Variants in SMOC2 observed in about 807,000 individuals in gnomAD.
SMOC2 encodes SPARC-related modular calcium-binding protein 2.
A neutral mutation model predicts 61.4 loss-of-function variants in SMOC2; 39 were observed. The observed-to-expected ratio is 0.64, with a 90% CI of 0.49 to 0.83. The LOEUF (loss-of-function observed/expected upper bound fraction) is 0.83, where lower values mean the gene tolerates loss of function less well. Ranked by LOEUF, SMOC2 falls within the 40% of genes least tolerant of loss-of-function variation. SMOC2 has a pLI of 0.00. For synonymous variants in SMOC2, 247 were observed against 239.9 expected (o/e 1.03, Z -0.27); for missense variants, 556 against 592.9 (o/e 0.94, Z 0.65).
chr6:168,616,695 G>A (rs1786103162), intron 9 of SMOC2, among the ~76,000 whole-genome samples: 1 of 152,210 alleles, frequency 6.6e-6, no homozygotes, highest in South Asian at 2.1e-4. Context: ...ACAGTGAAAT[G>A]GACCATTAAA....
intron 2 of SMOC2, among the ~76,000 whole-genome samples, chr6:168,515,758 AAC>A (rs3065281): frequency 0.9 from 136,320 of 152,228 alleles, 61,962 homozygotes; most frequent in East Asian, 1. Flanking sequence ...GCAGGAGCAA[AAC>A]ACACTGAGCC....
At position 168,641,876 on chromosome 6, in the gene SMOC2, T is replaced by G. The variant is rs1361382956; in HGVS notation, c.908-8805T>G. On this transcript the variant is annotated intron_variant, in intron 9 of 12. Transcript: ENST00000356284. ...ATTCATCAAAGCACTATCTAAAGCC[T>G]ATGGACCTCTTTGTCTAGAATAATG... 2.0e-5 allele frequency among the ~76,000 whole-genome samples: 3 copies of G among 152,208 alleles called. No homozygotes were observed. In the East Asian group the frequency reaches 5.8e-4, roughly 29 times the overall value.
chr6:168,613,671 C>T (rs368750780), intron 9 of SMOC2, among the ~76,000 whole-genome samples: 2,648 of 142,176 alleles, frequency 0.019, 28 homozygotes, highest in Middle Eastern at 0.084. Flanking sequence ...CTCTTCACAC[C>T]TACAGCCAGC....
At chr6:168,591,107 G>T (rs2115172894) in intron 7 of SMOC2, among the ~76,000 whole-genome samples, 1 of 152,336 alleles carries the variant, frequency 6.6e-6, no homozygotes, top group South Asian at 2.1e-4. Context: ...TTGAAATCAT[G>T]TTTCTATAAA....
intron 9 of SMOC2, among the ~76,000 whole-genome samples, chr6:168,623,642 T>A (rs1786306498): frequency 6.8e-6 from 1 of 146,134 alleles, no homozygotes; most frequent in African/African-American, 2.4e-5. Flanking sequence ...GGCCAATAAT[T>A]ATTTTTTTTA....
chr6:168,485,331 A>AT (rs1256141307), intron 1 of SMOC2, among the ~76,000 whole-genome samples: 3 of 152,214 alleles, frequency 2.0e-5, no homozygotes, highest in Admixed American at 6.5e-5. Flanking sequence ...GGTGTATACC[A>AT]AAAGAATTGA....
chr6:168,605,931 C>A (rs186563489), intron 8 of SMOC2, among the ~76,000 whole-genome samples: 1 of 152,188 alleles, frequency 6.6e-6, no homozygotes, highest in Non-Finnish European at 1.5e-5. Flanking sequence ...CTGGGACATT[C>A]GCCTGGCTTT....
intron 2 of SMOC2, 94 bp from the exon 3 acceptor site, chr6:168,526,252 C>A: frequency 2.6e-6 from 3 of 1,157,774 alleles, no homozygotes; most frequent in Non-Finnish European, 2.6e-6. Flanking sequence ...AGCACTCCTG[C>A]CTAACTCATG....
intron 2 of SMOC2, among the ~76,000 whole-genome samples, chr6:168,523,363 C>T (rs1783377577): frequency 6.6e-6 from 1 of 150,386 alleles, no homozygotes; most frequent in African/African-American, 2.4e-5. Context: ...GCTGGGATTA[C>T]AGGCGTGAGC....
chr6:168,562,747 C>T (rs111931191), intron 7 of SMOC2, among the ~76,000 whole-genome samples: 2 of 152,088 alleles, frequency 1.3e-5, no homozygotes, highest in African/African-American at 4.8e-5. Flanking sequence ...CTCAGCAGGT[C>T]GGAAGCGCAG....
chr6:168,547,152 C>A lies in SMOC2; in HGVS notation c.545C>A (p.Pro182His), dbSNP rs1252275030. 6.2e-7 allele frequency: 1 copy of A among 1,613,908 alleles called. No homozygotes were observed. Among genetic ancestry groups the A allele is most frequent in the Non-Finnish European group, 8.5e-7 (1 of 1,180,028 alleles). ...DAAAPALETQPQGDEEDIASR... is the reference protein window; with the variant it reads ...DAAAPALETQHQGDEEDIASR... Reference sequence around the variant, plus strand: ...GCAGCTCCAGCGTTGGAGACTCAGCCTCAAGGAGATGAAGAAGGTGAGCCG... The same window carrying A: ...GCAGCTCCAGCGTTGGAGACTCAGCATCAAGGAGATGAAGAAGGTGAGCCG... The change falls in exon 6 of 13, where the codon CCT (proline) becomes CAT (histidine). Residue 182 changes from proline (P) to histidine (H), a missense_variant. Coordinates refer to ENST00000356284, the MANE Select transcript of SMOC2 (RefSeq NM_001166412.2).
At chr6:168,664,889 T>G (rs1787621119) in intron 12 of SMOC2, 1 of 461,898 alleles carries the variant, frequency 2.2e-6, no homozygotes, top group Middle Eastern at 3.3e-4. Context: ...ATTTGTGATT[T>G]ATTTTGTCTG....
intron 4 of SMOC2, among the ~76,000 whole-genome samples, chr6:168,538,332 T>G (rs1583092060): frequency 2.2e-5 from 2 of 91,690 alleles, no homozygotes; most frequent in Non-Finnish European, 4.2e-5. Flanking sequence ...GGGAGTGGGG[T>G]GACCGCTGCT....
At chr6:168,442,601 G>A (rs886663596) in intron 1 of SMOC2, among the ~76,000 whole-genome samples, 1 of 152,254 alleles carries the variant, frequency 6.6e-6, no homozygotes, top group Non-Finnish European at 1.5e-5. Flanking sequence ...TAAGTGGCCG[G>A]GGACTTGTCC....
chr6:168,664,694 T>C (rs769579324), intron 12 of SMOC2: 6 of 470,864 alleles, frequency 1.3e-5, no homozygotes, highest in Admixed American at 9.4e-5. Flanking sequence ...TTCACAAACA[T>C]GTGTTGTGTT....
chr6:168,497,269 C>A (rs535708469), intron 1 of SMOC2, among the ~76,000 whole-genome samples: 3 of 152,348 alleles, frequency 2.0e-5, no homozygotes, highest in Non-Finnish European at 4.4e-5. Flanking sequence ...GGTGCCTGGG[C>A]TGGCATCTTC....
At chr6:168,631,824 G>A (rs1044813275) in intron 9 of SMOC2, among the ~76,000 whole-genome samples, 2 of 152,182 alleles carry the variant, frequency 1.3e-5, no homozygotes, top group South Asian at 2.1e-4. Flanking sequence ...GTGAGAAGGT[G>A]CATGAGGTCT....
At chr6:168,481,390 T>C (rs1782203251) in intron 1 of SMOC2, among the ~76,000 whole-genome samples, 1 of 152,082 alleles carries the variant, frequency 6.6e-6, no homozygotes. Flanking sequence ...ACAGAGCTGC[T>C]AAAAGAACAG....
intron 1 of SMOC2, among the ~76,000 whole-genome samples, chr6:168,480,090 T>C (rs948912957): frequency 1.3e-5 from 2 of 152,042 alleles, no homozygotes; most frequent in Non-Finnish European, 2.9e-5. Flanking sequence ...AGAAAAAATA[T>C]ATACATATAT....
Sources: gnomAD v4.1 joint callset for allele counts (sites outside exome capture counted in the v4.1 genomes callset) on GRCh38, gnomAD v4.1.1 for gene constraint, MANE v1.5 for transcripts, NCBI Gene and HGNC (gene_info 2026-07-23, HGNC 2026-07-21) for gene names.